Variants in CEP170B observed in about 807,000 individuals in gnomAD.
CEP170B encodes the protein centrosomal protein of 170 kDa protein B.
CEP170B carries 55 observed loss-of-function variants against 120.6 expected under a neutral mutation model. That is an observed-to-expected ratio of 0.46 (90% CI 0.37 to 0.57). The LOEUF (loss-of-function observed/expected upper bound fraction) is 0.57, where lower values mean the gene tolerates loss of function less well. Among genes scored for constraint, CEP170B ranks in the 20% least tolerant of loss-of-function variants. The pLI, the probability that CEP170B is intolerant of heterozygous loss-of-function variation, is 0.00. For synonymous variants in CEP170B, 1,033 were observed against 954.5 expected (o/e 1.08, Z -1.52); for missense variants, 2,212 against 2,253.3 (o/e 0.98, Z 0.37).
At chr14:104,869,665 T>G (rs1209055746) in intron 2 of CEP170B, among the ~76,000 whole-genome samples, 1 of 152,146 alleles carries the variant, frequency 6.6e-6, no homozygotes, top group Non-Finnish European at 1.5e-5. Context: ...GGCGTGAGGC[T>G]TTGCCCTTGG....
rs1224567302 is a variant in CEP170B at position 104,868,172 on chromosome 14, A to G, written c.-27-252A>G. Among the ~76,000 whole-genome samples, 1 of 151,968 alleles carries G rather than the reference A, an allele frequency of 6.6e-6. No individual in the cohort carries two copies. The highest frequency in any genetic ancestry group is 1.5e-5 in the Non-Finnish European group (1 of 67,986). ...GATGAGGTGTGCTGGGGCCTGGAGG[A>G]TAAGGGAGAACCAGGCAGCCTTTGC... On this transcript the variant is annotated intron_variant, in intron 1 of 18. Transcript: ENST00000414716. This position sits in a 1 kb window ranked among gnomAD's most constrained non-coding sequence, Gnocchi z 5.9.
In CEP170B at chr14:104,868,239, G is replaced by A. The variant is rs1895288845; in HGVS notation, c.-27-185G>A. On this transcript the variant is annotated intron_variant, in intron 1 of 18. Coordinates refer to ENST00000414716, the MANE Select transcript of CEP170B (RefSeq NM_001112726.3). The surrounding 1 kb of genome is among the most constrained non-coding windows in gnomAD (Gnocchi z 5.9). ...GGGAAAGGCCGGTCACGAGGGCAAA[G>A]GCCTGGCAGTGGGACTCGGGACCAT... Among the ~76,000 whole-genome samples the A allele has an allele frequency of 6.6e-6, 1 of 152,166 alleles. No homozygotes were observed. The highest frequency in any genetic ancestry group is 1.5e-5 in the Non-Finnish European group (1 of 68,022).
chr14:104,873,400 C>T (rs565461557), intron 2 of CEP170B, among the ~76,000 whole-genome samples: 1 of 152,092 alleles, frequency 6.6e-6, no homozygotes, highest in Admixed American at 6.5e-5. Context: ...GCAGAGTCAT[C>T]TGCCTGAAGC....
Position 104,887,158 on chromosome 14 carries a change from C to A in CEP170B, c.2919C>A (p.Pro973=). Residue 973 remains proline (P), a synonymous_variant, in exon 12 of 19, where the codon CCC becomes CCA. Transcript: ENST00000414716. Reference sequence around the variant, plus strand: ...GTAGTGGCAAGAGCGGGCCCAGCCCCACAACCCCCCAGCCTCTGCGGGCAC... The same window carrying A: ...GTAGTGGCAAGAGCGGGCCCAGCCCAACAACCCCCCAGCCTCTGCGGGCAC... ...SLRSGKSGPS[P]TTPQPLRAQK... 6.2e-7 allele frequency: 1 copy of A among 1,608,836 alleles called. No individual in the cohort carries two copies. Among genetic ancestry groups the A allele is most frequent in the African/African-American group, 1.3e-5 (1 of 75,048 alleles).
At position 104,884,008 on chromosome 14, in the gene CEP170B, A is replaced by G. The variant is rs1255962461; in HGVS notation, c.1229A>G (p.Asp410Gly). ...NQQAFVIEFF[D>G]EDTPRKKRSQ... ...CAGGCCTTTGTCATCGAGTTCTTCG[A>G]CGAGGACACACCCCGAAAGAAGCGC... The change falls in exon 9 of 19, where the codon GAC (aspartate) becomes GGC (glycine). Residue 410 changes from aspartate (D) to glycine (G), a missense_variant. By Grantham distance (94) the Asp-to-Gly change is moderately conservative. This residue lies in a region of CEP170B where 2,166 missense variants were observed against 2,166.7 expected (regional missense o/e 1.00). Coordinates refer to ENST00000414716, the MANE Select transcript of CEP170B (RefSeq NM_001112726.3). 6.2e-7 allele frequency: 1 copy of G among 1,611,082 alleles called. No individual in the cohort carries two copies. Among genetic ancestry groups the G allele is most frequent in the African/African-American group, 1.3e-5 (1 of 75,010 alleles).
rs1896246780 is a variant in CEP170B, at chr14:104,883,148, AAGG to A, written c.694_696del (p.Glu232del). Reference sequence around the variant, plus strand: ...GCCCAGCTACTTCGAGATCCCCACGAAGGAGACCCCGCAGCCGTCGCAGCCCCC... The same window carrying A: ...GCCCAGCTACTTCGAGATCCCCACGAAGACCCCGCAGCCGTCGCAGCCCCC... On this transcript the variant is annotated inframe_deletion, in exon 8 of 19. Transcript: ENST00000414716. The A allele has an allele frequency of 6.2e-7, 1 of 1,607,320 alleles. No homozygotes were observed. Among genetic ancestry groups the A allele is most frequent in the African/African-American group, 1.3e-5 (1 of 74,300 alleles).
chr14:104,885,369 G>A lies in CEP170B; in HGVS notation c.1771G>A (p.Val591Ile), dbSNP rs1425002282. 2.6e-6 allele frequency: 4 copies of A among 1,559,690 alleles called. No homozygotes were observed. Among genetic ancestry groups the A allele is most frequent in the Non-Finnish European group, 2.6e-6 (3 of 1,153,752 alleles). ...GCCTGGGACCATTTCCTCTTGGCAGGTCTTTGGGGTGTTGGAGTCCCCTGA... is the reference window on the plus strand; with the variant it reads ...GCCTGGGACCATTTCCTCTTGGCAGATCTTTGGGGTGTTGGAGTCCCCTGA... Reference protein sequence around the residue: ...VEEARKMIDQVFGVLESPELS... With the variant: ...VEEARKMIDQIFGVLESPELS... Residue 591 changes from valine (V) to isoleucine (I), a missense_variant and splice_region_variant, in exon 10 of 19, where the codon GTC (valine) becomes ATC (isoleucine). Physicochemically the swap from Val to Ile is conservative, Grantham distance 29 (BLOSUM62 3). Coordinates refer to ENST00000414716, the MANE Select transcript of CEP170B (RefSeq NM_001112726.3).
rs770472623 is a variant in CEP170B at position 104,887,604 on chromosome 14, G to T, written c.3365G>T (p.Arg1122Leu). 6.3e-7 allele frequency: 1 copy of T among 1,583,164 alleles called. No individual in the cohort carries two copies. The highest frequency in any genetic ancestry group is 8.6e-7 in the Non-Finnish European group (1 of 1,166,120). ...AGCCTGTCCACCCCTCGCCCCACAC[G>T]GGCCTCCCGGCTGAGGCGGGCCCGG... Reference protein sequence around the residue: ...SNSLSTPRPTRASRLRRARLG... With the variant: ...SNSLSTPRPTLASRLRRARLG... The change falls in exon 12 of 19, where the codon CGG (arginine) becomes CTG (leucine). Residue 1122 changes from arginine (R) to leucine (L), a missense_variant. Physicochemically the swap from Arg to Leu is moderately radical, Grantham distance 102 (BLOSUM62 -2). This residue lies in a region of CEP170B where 2,166 missense variants were observed against 2,166.7 expected (regional missense o/e 1.00). Coordinates refer to ENST00000414716, the MANE Select transcript of CEP170B (RefSeq NM_001112726.3).
In CEP170B at chr14:104,886,957, C is replaced by G. The variant is rs775178937; in HGVS notation, c.2718C>G (p.His906Gln). The change falls in exon 12 of 19, where the codon CAC (histidine) becomes CAG (glutamine). Residue 906 changes from histidine (H) to glutamine (Q), a missense_variant. Coordinates refer to ENST00000414716, the MANE Select transcript of CEP170B (RefSeq NM_001112726.3). ...CCCGGGCCGCACGCATGGACTTCCA[C>G]TCCCAGGACACCCACCTGATCTTGA... ...AATRAARMDF[H>Q]SQDTHLILKE... The G allele has an allele frequency of 6.2e-7, 1 of 1,608,820 alleles. No individual in the cohort carries two copies. The highest frequency in any genetic ancestry group is 8.5e-7 in the Non-Finnish European group (1 of 1,179,804).
intron 8 of CEP170B, 40 bp downstream of exon 8, chr14:104,883,548 G>A (rs769278904): frequency 2.0e-6 from 3 of 1,498,150 alleles, no homozygotes; most frequent in Admixed American, 2.1e-5. Flanking sequence ...CCCGGGACAG[G>A]CAGGGGACCG....
rs2140623609 is a variant in CEP170B at position 104,870,572 on chromosome 14, G to A, written c.105+2017G>A. Among the ~76,000 whole-genome samples the A allele has an allele frequency of 6.6e-6, 1 of 152,298 alleles. No individual in the cohort carries two copies. Among genetic ancestry groups the A allele is most frequent in the South Asian group, 2.1e-4 (1 of 4,826 alleles). On this transcript the variant is annotated intron_variant, in intron 2 of 18. Transcript: ENST00000414716. The surrounding 1 kb of genome is among the most constrained non-coding windows in gnomAD (Gnocchi z 4.1). ...AGAGTCAGCCTGCAGGCAGGGGACTGGTGTGGGTGCTCTTCCTGCCCCACC... is the reference window on the plus strand; with the variant it reads ...AGAGTCAGCCTGCAGGCAGGGGACTAGTGTGGGTGCTCTTCCTGCCCCACC...
At position 104,884,078 on chromosome 14, in the gene CEP170B, C is replaced by CAA; in HGVS notation, c.1300_1301dup (p.Arg435SerfsTer97). On this transcript the variant is annotated frameshift_variant, in exon 9 of 19. Transcript: ENST00000414716. LOFTEE classifies it high-confidence loss of function. ...GCCCGTCCGGGGACCCCAAGGCCGA[C>CAA]AAGCGCCGTGGCCCAACGCCGGCCG... is the stretch of plus-strand genomic sequence containing the variant. The CAA allele has an allele frequency of 6.2e-7, 1 of 1,601,722 alleles. No homozygotes were observed. Among genetic ancestry groups the CAA allele is most frequent in the Non-Finnish European group, 8.5e-7 (1 of 1,174,376 alleles).
At chr14:104,889,262 G>A (rs144064503) in intron 12 of CEP170B, among the ~76,000 whole-genome samples, 73 of 152,306 alleles carry the variant, frequency 4.8e-4, no homozygotes, top group African/African-American at 1.5e-3. Flanking sequence ...GACTGCTCCC[G>A]GGTTGCAGCC....
In CEP170B at chr14:104,893,538, C is replaced by T. The variant is rs1272201183; in HGVS notation, c.4054C>T (p.Pro1352Ser). 6.2e-7 allele frequency: 1 copy of T among 1,604,546 alleles called. No individual in the cohort carries two copies. Among genetic ancestry groups the T allele is most frequent in the Admixed American group, 1.7e-5 (1 of 59,196 alleles). Residue 1352 changes from proline to serine, a missense_variant, in exon 15 of 19, where the codon CCC becomes TCC. Transcript: ENST00000414716. ...CCTCTTGCAGCTGGTGCAGCGCATC[C>T]CCGAGGCCAGCCTCAACTTCCAGAA... ...SAREELVQRI[P>S]EASLNFQKVP...
chr14:104,896,460 G>T lies in CEP170B; in HGVS notation c.*1502G>T. Reference sequence around the variant, plus strand: ...CATGCCCCAGTTGCCCACCCCGCCTGCCCCTGGACATGAAGTGGTCACGCT... The same window carrying T: ...CATGCCCCAGTTGCCCACCCCGCCTTCCCCTGGACATGAAGTGGTCACGCT... On this transcript the variant is annotated 3_prime_UTR_variant, in exon 19 of 19. Coordinates refer to ENST00000414716, the MANE Select transcript of CEP170B (RefSeq NM_001112726.3). 2 of 406,246 alleles carry T rather than the reference G, an allele frequency of 4.9e-6. No individual in the cohort carries two copies. The highest frequency in any genetic ancestry group is 1.0e-5 in the Non-Finnish European group (2 of 199,678). The allele number at this position is 406,246 out of a possible 1,614,324, so 25.2% of individuals were successfully genotyped here.
rs1179501216 is a variant in CEP170B, at chr14:104,896,581, C to G, written c.*1623C>G. 2.9e-5 allele frequency: 13 copies of G among 456,088 alleles called. No homozygotes were observed. Among genetic ancestry groups the G allele is most frequent in the Non-Finnish European group, 5.3e-5 (12 of 226,938 alleles). The allele number at this position is 456,088 out of a possible 1,614,324, so 28.3% of individuals were successfully genotyped here. ...CCCCACACTGAGCTCCTTTGTTCCT[C>G]CCCCTCCAGCCTTTGCCTGGGAACT... On this transcript the variant is annotated 3_prime_UTR_variant, in exon 19 of 19. Coordinates refer to ENST00000414716, the MANE Select transcript of CEP170B (RefSeq NM_001112726.3).
intron 2 of CEP170B, among the ~76,000 whole-genome samples, chr14:104,874,703 C>T (rs1446352780): frequency 2.0e-5 from 3 of 151,822 alleles, no homozygotes; most frequent in Non-Finnish European, 4.4e-5. Flanking sequence ...CAGTCCTCCA[C>T]TGCAGTCCTC....
chr14:104,887,929 C>T lies in CEP170B; in HGVS notation c.3690C>T (p.Pro1230=), dbSNP rs1595352126. The T allele has an allele frequency of 1.3e-6, 2 of 1,545,700 alleles. No homozygotes were observed. Among genetic ancestry groups the T allele is most frequent in the Non-Finnish European group, 1.7e-6 (2 of 1,150,642 alleles). The change falls in exon 12 of 19, where the codon CCC becomes CCT. Residue 1230 remains proline (P), a synonymous_variant. Coordinates refer to ENST00000414716, the MANE Select transcript of CEP170B (RefSeq NM_001112726.3). ...CCAACACAGCCACCACCACGGGTCCCCGCCAGCCCTTCAGCAGGGCCCGCT... is the reference window on the plus strand; with the variant it reads ...CCAACACAGCCACCACCACGGGTCCTCGCCAGCCCTTCAGCAGGGCCCGCT... ...KAANTATTTG[P]RQPFSRARSG...
Position 104,887,541 on chromosome 14 carries a change from G to C in CEP170B, c.3302G>C (p.Ser1101Thr). ...AREEQSRSSA[S>T]SQKGPQALTR... ...GAGGAGCAGAGCCGTAGCTCAGCCAGCTCCCAGAAGGGGCCGCAGGCCTTG... is the reference window on the plus strand; with the variant it reads ...GAGGAGCAGAGCCGTAGCTCAGCCACCTCCCAGAAGGGGCCGCAGGCCTTG... The change falls in exon 12 of 19, where the codon AGC becomes ACC. Residue 1101 changes from serine (S) to threonine (T), a missense_variant. Ser to Thr is a moderately conservative substitution (Grantham distance 58, BLOSUM62 1). Around this residue, in one of 2 missense-constraint regions of CEP170B, gnomAD observed 2,166 missense variants for 2,166.7 expected, o/e 1.00. Coordinates refer to ENST00000414716, the MANE Select transcript of CEP170B (RefSeq NM_001112726.3). 1.2e-6 allele frequency: 2 copies of C among 1,609,884 alleles called. No individual in the cohort carries two copies. Among genetic ancestry groups the C allele is most frequent in the East Asian group, 4.5e-5 (2 of 44,834 alleles).
Sources: allele counts gnomAD v4.1 joint callset (sites outside exome capture counted in the v4.1 genomes callset), GRCh38; gene constraint gnomAD v4.1.1; regional missense constraint gnomAD v4.1.1; non-coding constraint Gnocchi (gnomAD v3.1); transcripts MANE v1.5; gene names NCBI Gene and HGNC (gene_info 2026-07-23, HGNC 2026-07-21).